CACTIN: variants seen among roughly 807,000 people sequenced by gnomAD.
CACTIN encodes the protein splicing factor Cactin.
CACTIN carries 20 observed loss-of-function variants against 84.9 expected under a neutral mutation model. The ratio of observed to expected loss-of-function variants is 0.24; its 90% CI spans 0.17 to 0.34. The LOEUF (loss-of-function observed/expected upper bound fraction) is 0.34, where lower values mean the gene tolerates loss of function less well. CACTIN is among the 10% of genes least tolerant of loss of function. CACTIN has a pLI of 1.00. For synonymous variants in CACTIN, 549 were observed against 467.9 expected (o/e 1.17, Z -2.24); for missense variants, 897 against 1,117.2 (o/e 0.80, Z 2.81).
intron 3 of CACTIN, 24 bp downstream of exon 3, chr19:3,620,683 C>A: frequency 6.3e-7 from 1 of 1,590,644 alleles, no homozygotes; most frequent in Non-Finnish European, 8.6e-7. Context: ...AGGGCCCTGC[C>A]CAGTGGGCTG....
Position 3,614,602 on chromosome 19 carries a change from G to A in CACTIN, c.1163-13C>T, listed in dbSNP as rs372518063. 31 of 1,578,894 alleles carry A rather than the reference G, an allele frequency of 2.0e-5. No individual in the cohort carries two copies. The highest frequency in any genetic ancestry group is 2.6e-5 in the Non-Finnish European group (30 of 1,163,008). The stretch of plus-strand genomic sequence containing the variant: ...TCGCGGCGCTCACCTGCAGCGGGGT[G>A]GGGGCATGGGGGGGCGGTTCCACAT... On this transcript the variant is annotated splice_polypyrimidine_tract_variant and intron_variant, in intron 6 of 9. Coordinates refer to ENST00000429344, the MANE Select transcript of CACTIN (RefSeq NM_001080543.2).
chr19:3,618,177 C>CTGG lies in CACTIN; in HGVS notation c.1162+697_1162+698insCCA, dbSNP rs56057264. ...GGGCTGCTGTGGTTGGCTTTTAGAC[C>CTGG]GGGGGGGGGGGGGGTCTCATCTAGG... On this transcript the variant is annotated intron_variant, in intron 6 of 9. Transcript: ENST00000429344. Among the ~76,000 whole-genome samples the CTGG allele has an allele frequency of 1.9e-5, 2 of 108,056 alleles. 1 individual carries two copies. The highest frequency in any genetic ancestry group is 3.7e-5 in the Non-Finnish European group (2 of 54,530). 70.9% of individuals were successfully genotyped at this position (108,056 alleles called of 152,430 possible). A position where few individuals can be genotyped will look rare whatever the true frequency, so the allele number is the denominator to read the frequency against.
chr19:3,612,742 G>C (rs2032993696), intron 9 of CACTIN: 1 of 697,194 alleles, frequency 1.4e-6, no homozygotes, highest in African/African-American at 1.7e-5. Flanking sequence ...GGGGGTCCTG[G>C]CCCAGGGGTT....
Position 3,619,253 on chromosome 19 carries a change from C to G in CACTIN, c.885-11G>C. On this transcript the variant is annotated splice_polypyrimidine_tract_variant and intron_variant, in intron 4 of 9. Coordinates refer to ENST00000429344, the MANE Select transcript of CACTIN (RefSeq NM_001080543.2). ...ATGCGGATCTTGGAACTGTGGGGAG[C>G]AGGGGAAGGTGGCATCAGAGCCTGG... 1 of 1,610,934 alleles carries G rather than the reference C, an allele frequency of 6.2e-7. No individual in the cohort carries two copies. The highest frequency in any genetic ancestry group is 8.5e-7 in the Non-Finnish European group (1 of 1,178,868).
chr19:3,617,249 C>T (rs571558281), intron 6 of CACTIN, among the ~76,000 whole-genome samples: 35 of 152,210 alleles, frequency 2.3e-4, no homozygotes, highest in Non-Finnish European at 3.7e-4. Context: ...ACTCAACTCT[C>T]GCCTGGGCGA....
chr19:3,626,751 G>A lies in CACTIN; in HGVS notation c.12C>T (p.Asp4=), dbSNP rs761577179. 5.5e-6 allele frequency: 8 copies of A among 1,450,274 alleles called. No individual in the cohort carries two copies. The South Asian group carries it at 1.1e-4, about 20-fold the overall frequency. 89.8% of individuals were successfully genotyped at this position (1,450,274 alleles called of 1,614,324 possible). ...CCGCGGACCGCGAGCGCGAGCGTGT[G>A]TCCCGACCCATCGGCTGGGCCAGTG... The part of the protein sequence containing the change: MGR[D]TRSRSRSAGR... The change falls in exon 1 of 10, where the codon GAC becomes GAT. Residue 4 remains aspartate, a synonymous_variant. Transcript: ENST00000429344.
At chr19:3,624,216 A>AG in intron 1 of CACTIN, 54 bp from the exon 2 acceptor site, 1 of 1,431,362 alleles carries the variant, frequency 7.0e-7, no homozygotes, top group Non-Finnish European at 9.4e-7. Context: ...CATCTGCTCC[A>AG]CAGATGCTTA....
intron 2 of CACTIN, among the ~76,000 whole-genome samples, chr19:3,623,159 CAGG>C (rs2033258429): frequency 6.6e-6 from 1 of 152,152 alleles, no homozygotes; most frequent in Admixed American, 6.5e-5. Context: ...CGCTTGAGGC[CAGG>C]AGGTCAAGGC....
chr19:3,619,593 G>A (rs1163967822), intron 4 of CACTIN, among the ~76,000 whole-genome samples: 1 of 152,166 alleles, frequency 6.6e-6, no homozygotes, highest in Non-Finnish European at 1.5e-5. Context: ...CAGGCTGGGG[G>A]ACCAGAGTAG....
intron 3 of CACTIN, 144 bp from the exon 4 acceptor site, chr19:3,620,416 G>T: frequency 1.0e-6 from 1 of 993,984 alleles, no homozygotes; most frequent in Non-Finnish European, 1.5e-6. Flanking sequence ...CTGGTGGACA[G>T]ACCTTGGGAA....
rs1460181128 is a variant in CACTIN at position 3,612,211 on chromosome 19, G to A, written c.1989C>T (p.Tyr663=). ...FEWNKYNQTH[Y]DFDNPPPKIV... ...TCTTGGGCGGTGGGTTGTCAAAGTC[G>A]TAGTGCGTCTGGTTGTACTTGTTCC... The change falls in exon 10 of 10, where the codon TAC becomes TAT. Residue 663 remains tyrosine (Y), a synonymous_variant. Coordinates refer to ENST00000429344, the MANE Select transcript of CACTIN (RefSeq NM_001080543.2). The A allele has an allele frequency of 1.9e-6, 3 of 1,613,288 alleles. No individual in the cohort carries two copies. Among genetic ancestry groups the A allele is most frequent in the African/African-American group, 1.3e-5 (1 of 74,952 alleles).
chr19:3,622,137 G>A (rs929719279), intron 2 of CACTIN, among the ~76,000 whole-genome samples: 16 of 152,190 alleles, frequency 1.1e-4, no homozygotes, highest in Admixed American at 2.6e-4. Context: ...AGGCCAAGGC[G>A]GGCAGATCAC....
intron 2 of CACTIN, among the ~76,000 whole-genome samples, chr19:3,621,446 G>T (rs1302706126): frequency 6.6e-6 from 1 of 152,214 alleles, no homozygotes; most frequent in African/African-American, 2.4e-5. Flanking sequence ...GTGCCCCGTC[G>T]CCATGAGGGG....
chr19:3,612,361 G>A lies in CACTIN; in HGVS notation c.1839C>T (p.Gly613=), dbSNP rs765518062. Residue 613 remains glycine, a synonymous_variant, in exon 10 of 10, where the codon GGC becomes GGT. Coordinates refer to ENST00000429344, the MANE Select transcript of CACTIN (RefSeq NM_001080543.2). ...EDIFFRRAKE[G]MGQDEAQFSV... The stretch of plus-strand genomic sequence containing the variant: ...TGAACTGCGCCTCGTCCTGGCCCAT[G>A]CCCTCCTTGGCCCGCCGGAAGAAGA... The A allele has an allele frequency of 6.8e-6, 11 of 1,607,278 alleles. No homozygotes were observed. In the South Asian group the frequency reaches 1.1e-4, roughly 16 times the overall value.
Position 3,623,855 on chromosome 19 carries a change from C to T in CACTIN, c.475G>A (p.Ala159Thr). The T allele has an allele frequency of 6.2e-7, 1 of 1,610,982 alleles. No individual in the cohort carries two copies. The highest frequency in any genetic ancestry group is 8.5e-7 in the Non-Finnish European group (1 of 1,179,880). ...CGCTTCTCCTCGGGCGTCTCGAAGG[C>T]CTTCATCAGCTCCTCCTGCTGCTTC... ...ERKQQEELMK[A>T]FETPEEKRAR... Residue 159 changes from alanine to threonine, a missense_variant, in exon 2 of 10, where the codon GCC (alanine) becomes ACC (threonine). Transcript: ENST00000429344.
chr19:3,625,301 A>T (rs1046369660), intron 1 of CACTIN, among the ~76,000 whole-genome samples: 1 of 152,254 alleles, frequency 6.6e-6, no homozygotes, highest in African/African-American at 2.4e-5. Context: ...ATCATTGCAG[A>T]GCCCTTAAAT....
Position 3,623,820 on chromosome 19 carries a change from C to A in CACTIN, c.510G>T (p.Arg170=), listed in dbSNP as rs775333735. The A allele has an allele frequency of 1.2e-6, 2 of 1,613,316 alleles. No individual in the cohort carries two copies. Among genetic ancestry groups the A allele is most frequent in the East Asian group, 2.2e-5 (1 of 44,886 alleles). ...GCTCCTTGGCCTCCTTCTTGGCCAG[C>A]CGCCGTGCGCGCTTCTCCTCGGGCG... ...FETPEEKRAR[R]LAKKEAKERK... Residue 170 remains arginine, a synonymous_variant, in exon 2 of 10, where the codon CGG becomes CGT. Coordinates refer to ENST00000429344, the MANE Select transcript of CACTIN (RefSeq NM_001080543.2).
rs2032980863 is a variant in CACTIN at position 3,612,374 on chromosome 19, C to T, written c.1826G>A (p.Arg609Gln). 1 of 1,605,414 alleles carries T rather than the reference C, an allele frequency of 6.2e-7. No individual in the cohort carries two copies. The highest frequency in any genetic ancestry group is 8.5e-7 in the Non-Finnish European group (1 of 1,177,190). The part of the protein sequence containing the change: ...SESAEDIFFR[R>Q]AKEGMGQDEA... ...GTCCTGGCCCATGCCCTCCTTGGCC[C>T]GCCGGAAGAAGATGTCCTCGGCGCT... The change falls in exon 10 of 10, where the codon CGG (arginine) becomes CAG (glutamine). Residue 609 changes from arginine to glutamine, a missense_variant. Around this residue, in one of 8 missense-constraint regions of CACTIN, gnomAD observed 243 missense variants for 239.9 expected, o/e 1.01. Transcript: ENST00000429344.
chr19:3,622,030 TC>T (rs1190219469), intron 2 of CACTIN, among the ~76,000 whole-genome samples: 1 of 151,982 alleles, frequency 6.6e-6, no homozygotes, highest in Non-Finnish European at 1.5e-5. Context: ...CACAGGCACA[TC>T]CCCGTCTGAA....
Sources: gnomAD v4.1 joint callset for allele counts (sites outside exome capture counted in the v4.1 genomes callset) on GRCh38, gnomAD v4.1.1 for gene constraint, gnomAD v4.1.1 regional missense constraint, MANE v1.5 for transcripts, NCBI Gene and HGNC (gene_info 2026-07-23, HGNC 2026-07-21) for gene names.